Variants in SLC9A3 observed in about 807,000 individuals in gnomAD.
SLC9A3 encodes the protein sodium/hydrogen exchanger 3.
SLC9A3 carries 37 observed loss-of-function variants against 86.8 expected under a neutral mutation model. The ratio of observed to expected loss-of-function variants is 0.43; its 90% CI spans 0.33 to 0.56. The LOEUF (loss-of-function observed/expected upper bound fraction) is 0.56, where lower values mean the gene tolerates loss of function less well. Ranked by LOEUF, SLC9A3 falls within the 20% of genes least tolerant of loss-of-function variation. The probability of loss-of-function intolerance (pLI) is 0.06; values close to 1 mark genes in which losing one functional copy is unlikely to be tolerated. For missense variants in SLC9A3, 1,011 were observed against 1,171.9 expected (o/e 0.86, Z 2.00); for synonymous variants, 581 against 528.3 (o/e 1.10, Z -1.37).
chr5:517,231 A>G (rs1355600401), intron 1 of SLC9A3, among the ~76,000 whole-genome samples: 5 of 136,752 alleles, frequency 3.7e-5, no homozygotes. Context: ...CGCATCAGCC[A>G]TCCATCCATC....
In SLC9A3 at chr5:482,607, C is replaced by G. The variant is rs763253779; in HGVS notation, c.1297G>C (p.Glu433Gln). Reference sequence around the variant, plus strand: ...GTGGTGCTGACGAACAGGTTCTTCTCCTTGACCTTGTCTCCATCCAGAAGC... The same window carrying G: ...GTGGTGCTGACGAACAGGTTCTTCTGCTTGACCTTGTCTCCATCCAGAAGC... ...VVLLDGDKVK[E>Q]KNLFVSTTII... Residue 433 changes from glutamate (E) to glutamine (Q), a missense_variant, in exon 7 of 17, where the codon GAG becomes CAG. Around this residue, in one of 3 missense-constraint regions of SLC9A3, gnomAD observed 565 missense variants for 790.0 expected, o/e 0.72. Transcript: ENST00000264938. The G allele has an allele frequency of 1.2e-6, 2 of 1,612,916 alleles. No homozygotes were observed. Among genetic ancestry groups the G allele is most frequent in the South Asian group, 2.2e-5 (2 of 91,078 alleles).
intron 3 of SLC9A3, 144 bp downstream of exon 3, chr5:488,172 G>T: frequency 1.2e-6 from 1 of 818,224 alleles, no homozygotes; most frequent in Admixed American, 2.4e-5. Flanking sequence ...TGGGAGGAAG[G>T]AGGTGGAGGG....
At chr5:484,847 G>T in intron 4 of SLC9A3, 150 bp from the exon 5 acceptor site, 2 of 775,268 alleles carry the variant, frequency 2.6e-6, no homozygotes, top group Non-Finnish European at 4.1e-6. Flanking sequence ...CTCAGCACCA[G>T]CCTTGGTTCA....
intron 1 of SLC9A3, among the ~76,000 whole-genome samples, chr5:507,170 T>C (rs1361187798): frequency 4.0e-5 from 2 of 49,656 alleles, no homozygotes; most frequent in East Asian, 3.1e-4. Flanking sequence ...CTGCTTCTTT[T>C]TTTTTTTTTT....
At chr5:513,081 A>AT (rs1733610490) in intron 1 of SLC9A3, among the ~76,000 whole-genome samples, 1 of 152,200 alleles carries the variant, frequency 6.6e-6, no homozygotes, top group Non-Finnish European at 1.5e-5. Flanking sequence ...ACTGAGACTT[A>AT]GGAACCTGGG....
intron 1 of SLC9A3, among the ~76,000 whole-genome samples, chr5:494,692 TGCCGGCGCCTGCC>T (rs1739938784): frequency 2.0e-5 from 3 of 152,174 alleles, no homozygotes; most frequent in Admixed American, 2.0e-4. Flanking sequence ...CTGTGCCCGG[TGCCGGCGCCTGCC>T]CACCCGCAGG....
chr5:483,289 C>G lies in SLC9A3; in HGVS notation c.1126G>C (p.Val376Leu), dbSNP rs756103077. ...ATGGCCCGGTACACGGAGATGAAGA[C>G]CAGCGTCAGGAGCACGAAGGCCGTG... The part of the protein sequence containing the change: ...WNTAFVLLTL[V>L]FISVYRAIGV... Residue 376 changes from valine to leucine, a missense_variant, in exon 6 of 17, where the codon GTC becomes CTC. This residue lies in a region of SLC9A3 where 565 missense variants were observed against 790.0 expected (regional missense o/e 0.72). Transcript: ENST00000264938. 6.4e-6 allele frequency: 10 copies of G among 1,552,942 alleles called. No individual in the cohort carries two copies. In the African/African-American group the frequency reaches 1.1e-4, roughly 17 times the overall value.
intron 1 of SLC9A3, among the ~76,000 whole-genome samples, chr5:514,941 C>T (rs1393575327): frequency 6.6e-6 from 1 of 152,104 alleles, no homozygotes; most frequent in Non-Finnish European, 1.5e-5. Flanking sequence ...TGGCTCTGTC[C>T]CTCCCCAGGG....
rs541415699 is a variant in SLC9A3, at chr5:472,735, C to G, written c.*644G>C. The stretch of plus-strand genomic sequence containing the variant: ...AACGGCGCTCGGCCCAGGCCGCTTG[C>G]GGGCGCTGGGCCTGCAGCCGCTGCA... On this transcript the variant is annotated 3_prime_UTR_variant, in exon 17 of 17. Coordinates refer to ENST00000264938, the MANE Select transcript of SLC9A3 (RefSeq NM_004174.4). 3,678 of 575,764 alleles carry G rather than the reference C, an allele frequency of 6.4e-3. 16 individuals are homozygous for G. Among genetic ancestry groups the G allele is most frequent in the Non-Finnish European group, 9.2e-3 (2,802 of 303,840 alleles). The allele number at this position is 575,764 out of a possible 1,614,324, so 35.7% of individuals were successfully genotyped here. A position where few individuals can be genotyped will look rare whatever the true frequency, so the allele number is the denominator to read the frequency against.
chr5:495,289 G>A (rs537567925), intron 1 of SLC9A3, among the ~76,000 whole-genome samples: 6 of 150,032 alleles, frequency 4.0e-5, no homozygotes, highest in South Asian at 2.1e-4. Context: ...AGACAACCGC[G>A]GGCCAGCAAG....
rs748391124 is a variant in SLC9A3, at chr5:472,835, GT to G, written c.*543del. On this transcript the variant is annotated 3_prime_UTR_variant, in exon 17 of 17. Coordinates refer to ENST00000264938, the MANE Select transcript of SLC9A3 (RefSeq NM_004174.4). ...AGTCAGTCCCCGGGCGCGGGGCTCG[GT>G]TGGGGGGGCCCGGAACCTTGGGCTG... The G allele has an allele frequency of 1.1e-4, 60 of 546,490 alleles. No homozygotes were observed. Among genetic ancestry groups the G allele is most frequent in the Non-Finnish European group, 1.1e-4 (33 of 289,880 alleles). The allele number at this position is 546,490 out of a possible 1,614,324, so 33.9% of individuals were successfully genotyped here.
chr5:500,458 C>A (rs950593380), intron 1 of SLC9A3, among the ~76,000 whole-genome samples: 18 of 152,136 alleles, frequency 1.2e-4, no homozygotes, highest in African/African-American at 4.3e-4. Context: ...CACGGAGAGG[C>A]CAGGCGGGCC....
At chr5:523,007 C>T (rs916137088) in intron 1 of SLC9A3, among the ~76,000 whole-genome samples, 1 of 152,056 alleles carries the variant, frequency 6.6e-6, no homozygotes, top group Admixed American at 6.5e-5. Context: ...GCAGGCAGCC[C>T]GGCGGGGAGC....
intron 7 of SLC9A3, 26 bp downstream of exon 7, chr5:482,522 C>T: frequency 1.9e-6 from 3 of 1,592,232 alleles, no homozygotes; most frequent in Non-Finnish European, 2.6e-6. Flanking sequence ...GGCCGAGACC[C>T]CAGGGCTGGC....
At chr5:514,392 C>T (rs1459159362) in intron 1 of SLC9A3, among the ~76,000 whole-genome samples, 1 of 152,232 alleles carries the variant, frequency 6.6e-6, no homozygotes, top group Admixed American at 6.5e-5. Context: ...CCTCCCTCCT[C>T]ACCTCTGCAG....
At chr5:492,505 C>T (rs1739826983) in intron 1 of SLC9A3, among the ~76,000 whole-genome samples, 1 of 151,878 alleles carries the variant, frequency 6.6e-6, no homozygotes, top group Non-Finnish European at 1.5e-5. Flanking sequence ...CTCAGAGCTG[C>T]AGGCATCTAA....
chr5:511,511 A>G (rs184070730), intron 1 of SLC9A3, among the ~76,000 whole-genome samples: 119 of 152,384 alleles, frequency 7.8e-4, no homozygotes, highest in African/African-American at 2.5e-3. Context: ...CACCAAAGAC[A>G]GGCAGATGGC....
At position 471,504 on chromosome 5, in the gene SLC9A3, C is replaced by G; in HGVS notation, c.*1875G>C. On this transcript the variant is annotated 3_prime_UTR_variant, in exon 17 of 17. Coordinates refer to ENST00000264938, the MANE Select transcript of SLC9A3 (RefSeq NM_004174.4). ...CAGTTCAGATGGGACAAACTGGGGGCCTGTCAGAACAGCCACTTGTGCCGG... is the reference window on the plus strand; with the variant it reads ...CAGTTCAGATGGGACAAACTGGGGGGCTGTCAGAACAGCCACTTGTGCCGG... 2.9e-6 allele frequency: 1 copy of G among 343,058 alleles called. No homozygotes were observed. The highest frequency in any genetic ancestry group is 5.8e-6 in the Non-Finnish European group (1 of 173,604). The allele number at this position is 343,058 out of a possible 1,614,324, so 21.3% of individuals were successfully genotyped here.
rs191789497 is a variant in SLC9A3, at chr5:496,743, C to T, written c.212-4672G>A. ...TTTTTTAGCAGGAAAAATAAAGGCA[C>T]TCAATTAAATTTTCCTTGAAGGCTG... On this transcript the variant is annotated intron_variant, in intron 1 of 16. Transcript: ENST00000264938. The surrounding 1 kb of genome is among the most constrained non-coding windows in gnomAD (Gnocchi z 4.7). 3.3e-4 allele frequency among the ~76,000 whole-genome samples: 50 copies of T among 152,288 alleles called. No homozygotes were observed. The highest frequency in any genetic ancestry group is 1.1e-3 in the African/African-American group (47 of 41,556).
Sources: allele counts gnomAD v4.1 joint callset (sites outside exome capture counted in the v4.1 genomes callset), GRCh38; gene constraint gnomAD v4.1.1; regional missense constraint gnomAD v4.1.1; non-coding constraint Gnocchi (gnomAD v3.1); transcripts MANE v1.5; gene names NCBI Gene and HGNC (gene_info 2026-07-23, HGNC 2026-07-21).